The following PFKP variants were observed in gnomAD, a reference collection of about 807,000 sequenced individuals.
PFKP encodes ATP-dependent 6-phosphofructokinase, platelet type.
PFKP carries 101 observed loss-of-function variants against 94.3 expected under a neutral mutation model. The ratio of observed to expected loss-of-function variants is 1.07; its 90% CI spans 0.91 to 1.26. The LOEUF (loss-of-function observed/expected upper bound fraction) is 1.26. Ranked by LOEUF, PFKP falls within the 50% of genes most tolerant of loss-of-function variation. The pLI is 0.00. For synonymous variants in PFKP, 573 were observed against 432.6 expected (o/e 1.32, Z -4.03); for missense variants, 1,145 against 1,103.3 (o/e 1.04, Z -0.53).
At chr10:3,112,858 G>A (rs35686601) in intron 11 of PFKP, among the ~76,000 whole-genome samples, 105,612 of 151,904 alleles carry the variant, frequency 0.7, 37,486 homozygotes, top group East Asian at 0.93. Flanking sequence ...TTGAGCCACC[G>A]CACGCATGTC....
intron 19 of PFKP, among the ~76,000 whole-genome samples, chr10:3,133,847 A>AC (rs1038048973): frequency 3.9e-5 from 6 of 152,002 alleles, no homozygotes; most frequent in Admixed American, 1.3e-4. Flanking sequence ...AAACAGTGAT[A>AC]CCCCCATTAC....
At chr10:3,075,387 G>A (rs541408176) in intron 1 of PFKP, among the ~76,000 whole-genome samples, 1 of 151,752 alleles carries the variant, frequency 6.6e-6, no homozygotes, top group Non-Finnish European at 1.5e-5. Context: ...AAAGTCAAGA[G>A]GTACACAGTA....
Position 3,136,772 on chromosome 10 carries a change from GAATT to G in PFKP, c.*200_*203del, listed in dbSNP as rs71497863. Reference sequence around the variant, plus strand: ...ATGCTTTCAGATGTGCATATGAGCAGAATTAATTAAACATTTGCCTATGACTCCA... The same window carrying G: ...ATGCTTTCAGATGTGCATATGAGCAGAATTAAACATTTGCCTATGACTCCA... On this transcript the variant is annotated 3_prime_UTR_variant, in exon 22 of 22. Coordinates refer to ENST00000381125, the MANE Select transcript of PFKP (RefSeq NM_002627.5). The G allele has an allele frequency of 0.26, 126,646 of 492,844 alleles. 17,351 individuals are homozygous for G. Among genetic ancestry groups the G allele is most frequent in the African/African-American group, 0.31 (15,989 of 51,048 alleles). 30.5% of individuals were successfully genotyped at this position (492,844 alleles called of 1,614,324 possible).
intron 16 of PFKP, among the ~76,000 whole-genome samples, chr10:3,125,463 C>G (rs1343290152): frequency 2.6e-5 from 4 of 152,140 alleles, no homozygotes; most frequent in Admixed American, 6.5e-5. Flanking sequence ...GATGATATAT[C>G]CAGTCCTTGG....
At chr10:3,099,733 G>A (rs1303747365) in intron 3 of PFKP, among the ~76,000 whole-genome samples, 1 of 152,180 alleles carries the variant, frequency 6.6e-6, no homozygotes, top group Non-Finnish European at 1.5e-5. Flanking sequence ...AACATCAGGA[G>A]AGTGTGGGCT....
intron 16 of PFKP, among the ~76,000 whole-genome samples, chr10:3,125,891 C>T (rs974278369): frequency 3.3e-5 from 5 of 152,196 alleles, no homozygotes; most frequent in East Asian, 1.9e-4. Context: ...GCTGCAGAGA[C>T]GGTCCTCACT....
In PFKP at chr10:3,135,970, A is replaced by C. The variant is rs189768085; in HGVS notation, c.2225+132A>C. 1.3e-3 allele frequency: 824 copies of C among 642,870 alleles called. 1 individual carries two copies. The highest frequency in any genetic ancestry group is 2.0e-3 in the Non-Finnish European group (699 of 358,010). 39.8% of individuals were successfully genotyped at this position (642,870 alleles called of 1,614,324 possible). A position where few individuals can be genotyped will look rare whatever the true frequency, so the allele number is the denominator to read the frequency against. The stretch of plus-strand genomic sequence containing the variant: ...TGGCTTTTCTGAAGCTCAGTTAAAA[A>C]AATACTAGGTCTTGGCTGGGCGCGG... On this transcript the variant is annotated intron_variant, in intron 21 of 21. Coordinates refer to ENST00000381125, the MANE Select transcript of PFKP (RefSeq NM_002627.5).
chr10:3,111,768 G>A (rs1836258426), intron 10 of PFKP, among the ~76,000 whole-genome samples: 1 of 152,100 alleles, frequency 6.6e-6, no homozygotes, highest in African/African-American at 2.4e-5. Flanking sequence ...GGGCCCCTCT[G>A]CTCCCCCGCC....
intron 2 of PFKP, among the ~76,000 whole-genome samples, chr10:3,086,127 TATA>T (rs1448129802): frequency 6.6e-5 from 10 of 152,246 alleles, no homozygotes; most frequent in Non-Finnish European, 8.8e-5. Flanking sequence ...GTTTTTCTGT[TATA>T]ATTCGCAAAA....
At chr10:3,113,347 C>G in intron 12 of PFKP, 25 bp from the exon 13 acceptor site, 1 of 1,576,130 alleles carries the variant, frequency 6.3e-7, no homozygotes, top group African/African-American at 1.3e-5. Context: ...CGTGACCCAG[C>G]ACTCACCTGC....
intron 2 of PFKP, among the ~76,000 whole-genome samples, chr10:3,083,090 ATTGG>A (rs1302031982): frequency 1.3e-5 from 2 of 152,148 alleles, no homozygotes; most frequent in South Asian, 2.1e-4. Context: ...AATTGGTTGT[ATTGG>A]TTGGTTGGTT....
rs547076565 is a variant in PFKP, at chr10:3,101,385, T to C, written c.285T>C (p.Ser95=). 1.3e-6 allele frequency: 2 copies of C among 1,594,098 alleles called. No homozygotes were observed. Among genetic ancestry groups the C allele is most frequent in the South Asian group, 1.1e-5 (1 of 88,322 alleles). The part of the protein sequence containing the change: ...ILQVGGTIIG[S]ARCQAFRTRE... ...CCCAGGGCGGGACGATCATTGGCAG[T>C]GCGCGGTGCCAGGCCTTCCGCACGC... is the stretch of plus-strand genomic sequence containing the variant. The change falls in exon 4 of 22, where the codon AGT becomes AGC. Residue 95 remains serine, a synonymous_variant. Coordinates refer to ENST00000381125, the MANE Select transcript of PFKP (RefSeq NM_002627.5).
chr10:3,088,483 A>G (rs1281541263), intron 2 of PFKP, among the ~76,000 whole-genome samples: 2 of 152,108 alleles, frequency 1.3e-5, no homozygotes, highest in Non-Finnish European at 2.9e-5. Context: ...ACTGGGCAGC[A>G]AAGCCCCGGC....
rs556418725 is a variant in PFKP, at chr10:3,070,565, T to C, written c.112+2858T>C. On this transcript the variant is annotated intron_variant, in intron 1 of 21. Coordinates refer to ENST00000381125, the MANE Select transcript of PFKP (RefSeq NM_002627.5). ...TGAAAACATTTTGTATTCTAAGAGC[T>C]TTACACTTCTTATCTCCAAGCCTAA... Among the ~76,000 whole-genome samples, 5 of 152,314 alleles carry C rather than the reference T, an allele frequency of 3.3e-5. No homozygotes were observed. In the South Asian group the frequency reaches 1.0e-3, roughly 32 times the overall value.
At chr10:3,123,448 G>A (rs546700155) in intron 16 of PFKP, among the ~76,000 whole-genome samples, 1 of 152,306 alleles carries the variant, frequency 6.6e-6, no homozygotes, top group South Asian at 2.1e-4. Context: ...AGGAGTGATA[G>A]GGAAGAGGGG....
chr10:3,120,096 G>A, intron 16 of PFKP, 52 bp downstream of exon 16: 1 of 1,560,748 alleles, frequency 6.4e-7, no homozygotes, highest in African/African-American at 1.4e-5. Flanking sequence ...CTAACCCCGG[G>A]GCCCCGGCCC....
intron 14 of PFKP, among the ~76,000 whole-genome samples, chr10:3,117,209 A>AT (rs1294666612): frequency 1.3e-5 from 2 of 152,222 alleles, no homozygotes; most frequent in African/African-American, 4.8e-5. Context: ...AGCAGCCTGG[A>AT]TAGCAGGTAG....
chr10:3,076,958 A>G (rs12245370), intron 1 of PFKP, among the ~76,000 whole-genome samples: 101,393 of 152,006 alleles, frequency 0.67, 35,786 homozygotes, highest in Non-Finnish European at 0.79. Context: ...CATAATCCCT[A>G]CATTATCAAA....
intron 15 of PFKP, 119 bp from the exon 16 acceptor site, chr10:3,119,773 T>TA: frequency 1.6e-6 from 1 of 638,354 alleles, no homozygotes; most frequent in Admixed American, 3.3e-5. Context: ...AGTGTTTTCG[T>TA]GATGCCCCAG....
Sources: gnomAD v4.1 joint callset for allele counts (sites outside exome capture counted in the v4.1 genomes callset) on GRCh38, gnomAD v4.1.1 for gene constraint, MANE v1.5 for transcripts, NCBI Gene and HGNC (gene_info 2026-07-23, HGNC 2026-07-21) for gene names.